The following PBX4 variants were observed in gnomAD, a reference collection of about 807,000 sequenced individuals.
PBX4 encodes the protein pre-B-cell leukemia transcription factor 4.
In PBX4, 26 loss-of-function variants were observed where a neutral mutation model predicts 35.1. The observed-to-expected ratio is 0.74, with a 90% CI of 0.54 to 1.03. PBX4 has a LOEUF of 1.03. PBX4 is among the 50% of genes least tolerant of loss of function. The pLI, the probability that PBX4 is intolerant of heterozygous loss-of-function variation, is 0.00. For synonymous variants in PBX4, 199 were observed against 204.2 expected (o/e 0.97, Z 0.22); for missense variants, 448 against 504.3 (o/e 0.89, Z 1.07).
intron 1 of PBX4, among the ~76,000 whole-genome samples, chr19:19,614,722 C>CA (rs2061679702): frequency 1.3e-5 from 2 of 151,998 alleles, no homozygotes; most frequent in Admixed American, 6.6e-5. Flanking sequence ...AACAAACAAA[C>CA]AAAAAACCAC....
intron 2 of PBX4, 73 bp downstream of exon 2, chr19:19,599,219 C>A: frequency 7.7e-7 from 1 of 1,293,264 alleles, no homozygotes; most frequent in Admixed American, 1.8e-5. Context: ...TGCCCGCCTC[C>A]GCCTCCCAAT....
chr19:19,595,525 G>A (rs2061555709), intron 2 of PBX4, among the ~76,000 whole-genome samples: 1 of 152,138 alleles, frequency 6.6e-6, no homozygotes. Context: ...CCTAACCTTT[G>A]TGTTTCCATT....
intron 1 of PBX4, among the ~76,000 whole-genome samples, chr19:19,610,086 A>G (rs906156124): frequency 6.6e-6 from 1 of 152,200 alleles, no homozygotes; most frequent in Non-Finnish European, 1.5e-5. Flanking sequence ...TTTTGCCAAA[A>G]GACTTTTAGA....
At chr19:19,616,692 A>T (rs957859991) in intron 1 of PBX4, among the ~76,000 whole-genome samples, 9 of 150,236 alleles carry the variant, frequency 6.0e-5, no homozygotes, top group East Asian at 2.0e-4. Flanking sequence ...TATTATTATT[A>T]TTTTTTGTTC....
At chr19:19,612,736 G>T (rs1381045336) in intron 1 of PBX4, among the ~76,000 whole-genome samples, 1 of 152,104 alleles carries the variant, frequency 6.6e-6, no homozygotes, top group African/African-American at 2.4e-5. Context: ...TAAAAGCCCC[G>T]GGGGTCATCC....
intron 2 of PBX4, among the ~76,000 whole-genome samples, chr19:19,579,217 C>T (rs538460637): frequency 1.3e-5 from 2 of 151,944 alleles, no homozygotes; most frequent in Admixed American, 6.6e-5. Context: ...GGCATGGTGG[C>T]GTGTGCCTGT....
chr19:19,565,072 G>A lies in PBX4; in HGVS notation c.786C>T (p.Gly262=), dbSNP rs1009244067. 6.2e-7 allele frequency: 1 copy of A among 1,614,050 alleles called. No homozygotes were observed. Among genetic ancestry groups the A allele is most frequent in the Non-Finnish European group, 8.5e-7 (1 of 1,180,042 alleles). Residue 262 remains glycine, a synonymous_variant, in exon 6 of 8, where the codon GGC becomes GGT. Coordinates refer to ENST00000251203, the MANE Select transcript of PBX4 (RefSeq NM_025245.3). ...TCTTTTTATACCGGATTCTTTTGTT[G>A]CCAAACCAGTTAGAGACCTGCGGAC... ...LTISQVSNWF[G]NKRIRYKKNM... is the part of the protein sequence containing the mutation.
At chr19:19,582,754 T>C (rs895870912) in intron 2 of PBX4, among the ~76,000 whole-genome samples, 10 of 152,194 alleles carry the variant, frequency 6.6e-5, no homozygotes, top group African/African-American at 2.4e-4. Context: ...TCAGCTAAGC[T>C]GAAAGAGCAC....
chr19:19,604,147 A>G (rs1257386735), intron 1 of PBX4, among the ~76,000 whole-genome samples: 1 of 152,134 alleles, frequency 6.6e-6, no homozygotes, highest in African/African-American at 2.4e-5. Flanking sequence ...CTGAAAATCA[A>G]TAACTTCACA....
chr19:19,599,724 G>T (rs1489294679), intron 1 of PBX4, among the ~76,000 whole-genome samples: 13 of 152,130 alleles, frequency 8.5e-5, no homozygotes, highest in Admixed American at 8.5e-4. Flanking sequence ...TATAATCCCA[G>T]AACTTTGGGA....
At chr19:19,575,513 G>A (rs1401789623) in intron 2 of PBX4, among the ~76,000 whole-genome samples, 1 of 151,970 alleles carries the variant, frequency 6.6e-6, no homozygotes, top group Non-Finnish European at 1.5e-5. Context: ...TGTCCTCTCT[G>A]TAGTCCCTCT....
chr19:19,589,363 G>A (rs1391828564), intron 2 of PBX4, among the ~76,000 whole-genome samples: 1 of 152,000 alleles, frequency 6.6e-6, no homozygotes, highest in Non-Finnish European at 1.5e-5. Flanking sequence ...GAACCCAGGA[G>A]GTGGAGCTTG....
At chr19:19,609,694 C>CA (rs1316061823) in intron 1 of PBX4, among the ~76,000 whole-genome samples, 3 of 143,510 alleles carry the variant, frequency 2.1e-5, no homozygotes, top group African/African-American at 7.8e-5. Flanking sequence ...ACTAAAAATA[C>CA]AAAAAAATTA....
chr19:19,572,769 G>A (rs893691661), intron 2 of PBX4, among the ~76,000 whole-genome samples: 8 of 148,542 alleles, frequency 5.4e-5, no homozygotes, highest in African/African-American at 1.7e-4. Context: ...CAGGAGAATT[G>A]CTTGAACCCG....
chr19:19,610,056 T>C (rs1337640219), intron 1 of PBX4, among the ~76,000 whole-genome samples: 2 of 152,208 alleles, frequency 1.3e-5, no homozygotes, highest in African/African-American at 4.8e-5. Flanking sequence ...TTTTCATTAA[T>C]AAAGCTATTT....
chr19:19,608,428 C>G (rs2061644110), intron 1 of PBX4: 1 of 151,896 alleles, frequency 6.6e-6, no homozygotes, highest in South Asian at 2.1e-4. Context: ...CAAAACAAAA[C>G]AAAACAGAAC....
intron 2 of PBX4, 57 bp downstream of exon 2, chr19:19,599,235 G>A: frequency 6.9e-7 from 1 of 1,454,782 alleles, no homozygotes; most frequent in African/African-American, 1.4e-5. Context: ...CCAATGTGCT[G>A]GGATTACAGG....
At chr19:19,603,815 G>A (rs1414843855) in intron 1 of PBX4, among the ~76,000 whole-genome samples, 1 of 151,848 alleles carries the variant, frequency 6.6e-6, no homozygotes, top group Non-Finnish European at 1.5e-5. Context: ...AAATTAGCCG[G>A]GCATGATGGC....
At chr19:19,585,256 C>T (rs1277533586) in intron 2 of PBX4, among the ~76,000 whole-genome samples, 1 of 151,620 alleles carries the variant, frequency 6.6e-6, no homozygotes, top group East Asian at 1.9e-4. Context: ...ACCCGGGAGG[C>T]AGAGGTTGAG....
Sources: gnomAD v4.1 joint callset for allele counts (sites outside exome capture counted in the v4.1 genomes callset) on GRCh38, gnomAD v4.1.1 for gene constraint, MANE v1.5 for transcripts, NCBI Gene and HGNC (gene_info 2026-07-23, HGNC 2026-07-21) for gene names.